TRPM6: variants seen among roughly 807,000 people sequenced by gnomAD.
TRPM6 encodes channel kinase 2.
Under a neutral mutation model 247.6 loss-of-function variants are expected in TRPM6, and 111 were observed. The observed-to-expected ratio is 0.45, with a 90% CI of 0.38 to 0.52. TRPM6 has a LOEUF of 0.52. Ranked by LOEUF, TRPM6 falls within the 20% of genes least tolerant of loss-of-function variation. The pLI is 0.00. For missense variants in TRPM6, 2,126 were observed against 2,421.5 expected (o/e 0.88, Z 2.56); for synonymous variants, 892 against 853.8 (o/e 1.04, Z -0.78).
At chr9:74,806,487 A>G (rs1206835632) in intron 14 of TRPM6, among the ~76,000 whole-genome samples, 1 of 152,186 alleles carries the variant, frequency 6.6e-6, no homozygotes, top group Non-Finnish European at 1.5e-5. Context: ...AATTGAACAT[A>G]GAAATGATGA....
intron 1 of TRPM6, among the ~76,000 whole-genome samples, chr9:74,880,983 C>A (rs1831344141): frequency 6.6e-6 from 1 of 151,772 alleles, no homozygotes. Flanking sequence ...TATAGATTGG[C>A]TGAATGGATT....
chr9:74,838,433 GTTTTA>G (rs1370761422), intron 5 of TRPM6, among the ~76,000 whole-genome samples: 2 of 152,160 alleles, frequency 1.3e-5, no homozygotes, highest in African/African-American at 4.8e-5. Flanking sequence ...AAATCCCTTG[GTTTTA>G]TTTTACTTTG....
At chr9:74,838,712 G>T (rs1232089245) in intron 5 of TRPM6, among the ~76,000 whole-genome samples, 1 of 151,920 alleles carries the variant, frequency 6.6e-6, no homozygotes, top group Non-Finnish European at 1.5e-5. Flanking sequence ...TTTGACGAGT[G>T]CGTTGGCATC....
At chr9:74,787,397 C>T (rs1485696968) in intron 20 of TRPM6, among the ~76,000 whole-genome samples, 6 of 150,132 alleles carry the variant, frequency 4.0e-5, no homozygotes, top group Admixed American at 1.3e-4. Flanking sequence ...TAAGAAAATA[C>T]CCCTGAAACA....
At position 74,840,045 on chromosome 9, in the gene TRPM6, T is replaced by C. The variant is rs1332060724; in HGVS notation, c.523A>G (p.Ile175Val). ...KAAETTGAWI[I>V]TEGINTGVSK... ...TTACCTGTATTGATGCCTTCAGTTA[T>C]TATCCACGCTCCTGTTGTCTCTGCA... Residue 175 changes from isoleucine to valine, a missense_variant, in exon 5 of 39, where the codon ATA (isoleucine) becomes GTA (valine). Physicochemically the swap from Ile to Val is conservative, Grantham distance 29 (BLOSUM62 3). Transcript: ENST00000360774. 6.2e-7 allele frequency: 1 copy of C among 1,614,004 alleles called. No individual in the cohort carries two copies. Among genetic ancestry groups the C allele is most frequent in the South Asian group, 1.1e-5 (1 of 91,068 alleles).
chr9:74,731,202 G>A (rs1333184346), intron 37 of TRPM6, among the ~76,000 whole-genome samples: 1 of 152,118 alleles, frequency 6.6e-6, no homozygotes, highest in African/African-American at 2.4e-5. Flanking sequence ...CATATTAAGT[G>A]ACATATGCCA....
chr9:74,818,093 C>A (rs1269088233), intron 9 of TRPM6, among the ~76,000 whole-genome samples: 5 of 152,156 alleles, frequency 3.3e-5, no homozygotes, highest in Non-Finnish European at 7.3e-5. Flanking sequence ...CACCTGCAAG[C>A]CCTTTGCTGC....
intron 1 of TRPM6, among the ~76,000 whole-genome samples, chr9:74,867,574 T>C (rs1305560015): frequency 6.6e-6 from 1 of 152,242 alleles, no homozygotes; most frequent in African/African-American, 2.4e-5. Context: ...CTGTATTTTA[T>C]GCTCAATGAA....
chr9:74,853,599 A>G (rs555174484), intron 3 of TRPM6, among the ~76,000 whole-genome samples: 14 of 152,314 alleles, frequency 9.2e-5, no homozygotes, highest in Non-Finnish European at 1.8e-4. Flanking sequence ...GTGTCCACTC[A>G]GGGTTAAATG....
intron 3 of TRPM6, among the ~76,000 whole-genome samples, chr9:74,842,932 T>C (rs1829990480): frequency 6.6e-6 from 1 of 152,208 alleles, no homozygotes; most frequent in Non-Finnish European, 1.5e-5. Context: ...AATGATGAAG[T>C]TGGCCACATT....
chr9:74,863,971 C>T (rs375767020), intron 1 of TRPM6, among the ~76,000 whole-genome samples: 15 of 151,654 alleles, frequency 9.9e-5, no homozygotes, highest in South Asian at 6.3e-4. Context: ...TGTTTTCTTT[C>T]TACAACTTTT....
At chr9:74,817,299 G>A (rs769312517) in intron 9 of TRPM6, among the ~76,000 whole-genome samples, 4 of 152,106 alleles carry the variant, frequency 2.6e-5, no homozygotes, top group African/African-American at 7.2e-5. Context: ...AAGAGACAAC[G>A]AATGAAATCC....
At chr9:74,849,547 A>C (rs1830227132) in intron 3 of TRPM6, among the ~76,000 whole-genome samples, 1 of 152,064 alleles carries the variant, frequency 6.6e-6, no homozygotes, top group Non-Finnish European at 1.5e-5. Context: ...CCCTGCAAAC[A>C]ACTTGGTCTT....
chr9:74,778,185 C>A (rs943685538), intron 23 of TRPM6, among the ~76,000 whole-genome samples: 3 of 152,048 alleles, frequency 2.0e-5, no homozygotes, highest in Non-Finnish European at 4.4e-5. Context: ...GAAAGGGCAC[C>A]CCCACCAGGG....
In TRPM6 at chr9:74,840,016, A is replaced by C; in HGVS notation, c.544+8T>G. ...GAGGGTGGGAGAAATGGAGGGAGGGAGCTTTACCTGTATTGATGCCTTCAG... is the reference window on the plus strand; with the variant it reads ...GAGGGTGGGAGAAATGGAGGGAGGGCGCTTTACCTGTATTGATGCCTTCAG... On this transcript the variant is annotated splice_region_variant and intron_variant, in intron 5 of 38. Transcript: ENST00000360774. The C allele has an allele frequency of 1.9e-6, 3 of 1,607,050 alleles. No individual in the cohort carries two copies. Among genetic ancestry groups the C allele is most frequent in the Non-Finnish European group, 2.6e-6 (3 of 1,173,886 alleles).
At chr9:74,776,337 G>A (rs1197950853) in intron 23 of TRPM6, among the ~76,000 whole-genome samples, 2 of 151,978 alleles carry the variant, frequency 1.3e-5, no homozygotes, top group African/African-American at 4.8e-5. Flanking sequence ...CATTTTCAGT[G>A]TAATGAACAG....
chr9:74,744,894 G>A (rs772848324), intron 31 of TRPM6, among the ~76,000 whole-genome samples: 3 of 152,186 alleles, frequency 2.0e-5, no homozygotes, highest in Non-Finnish European at 4.4e-5. Context: ...TTTTGTTGCT[G>A]GATAAGGAAA....
chr9:74,835,947 A>G (rs1401247360), intron 5 of TRPM6, among the ~76,000 whole-genome samples: 4 of 152,116 alleles, frequency 2.6e-5, no homozygotes, highest in African/African-American at 4.8e-5. Context: ...ATGACCCTAC[A>G]TTATAGGGTC....
At chr9:74,857,461 A>C (rs1249764447) in intron 2 of TRPM6, among the ~76,000 whole-genome samples, 1 of 152,146 alleles carries the variant, frequency 6.6e-6, no homozygotes, top group Non-Finnish European at 1.5e-5. Context: ...TTTCCTTTTA[A>C]TTAATTTTTC....
Sources: gnomAD v4.1 joint callset for allele counts (sites outside exome capture counted in the v4.1 genomes callset) on GRCh38, gnomAD v4.1.1 for gene constraint, MANE v1.5 for transcripts, NCBI Gene and HGNC (gene_info 2026-07-23, HGNC 2026-07-21) for gene names.